Variants in RPL21 observed in about 807,000 individuals in gnomAD.
RPL21 encodes the protein large ribosomal subunit protein eL21.
Under a neutral mutation model 21.2 loss-of-function variants are expected in RPL21, and 1 was observed. That is an observed-to-expected ratio of 0.05 (90% CI 0.02 to 0.22). The LOEUF is 0.22. Among genes scored for constraint, RPL21 ranks in the 10% least tolerant of loss-of-function variants. RPL21 has a pLI of 1.00. For missense variants in RPL21, 113 were observed against 199.4 expected, an observed-to-expected ratio of 0.57 and a Z score of 2.61; for synonymous variants, 52 against 62.9, an observed-to-expected ratio of 0.83 and a Z score of 0.82.
chr13:27,256,188 A>G lies in RPL21; in HGVS notation c.247A>G (p.Lys83Glu). The G allele has an allele frequency of 6.3e-7, 1 of 1,592,350 alleles. No homozygotes were observed. The highest frequency in any genetic ancestry group is 8.6e-7 in the Non-Finnish European group (1 of 1,167,330). The change falls in exon 5 of 6, where the codon AAG becomes GAG. Residue 83 changes from lysine to glutamate, a missense_variant. Physicochemically the swap from Lys to Glu is moderately conservative, Grantham distance 56 (BLOSUM62 1). Coordinates refer to ENST00000311549, the MANE Select transcript of RPL21 (RefSeq NM_000982.4). ...AAGAATTTCTGCTCTGTCCAGGGGC[A>G]AGATTCTTGCCAAGAGAATTAATGT... is the stretch of plus-strand genomic sequence containing the variant. ...GIVVNKQVKG[K>E]ILAKRINVRI... is the part of the protein sequence containing the mutation.
At chr13:27,253,580 G>A (rs1262308468) in intron 1 of RPL21, 185 bp from the exon 2 acceptor site, 1 of 539,826 alleles carries the variant, frequency 1.9e-6, no homozygotes, top group Non-Finnish European at 3.4e-6. Context: ...GGGCAGTTTT[G>A]CCAAAAGACC....
At chr13:27,252,327 C>T (rs1881691010) in intron 1 of RPL21, among the ~76,000 whole-genome samples, 1 of 152,182 alleles carries the variant, frequency 6.6e-6, no homozygotes, top group Non-Finnish European at 1.5e-5. Flanking sequence ...TGAAGGGAAA[C>T]ATTTAGCCAT....
At chr13:27,255,919 T>C in intron 4 of RPL21, 1 of 400,492 alleles carries the variant, frequency 2.5e-6, no homozygotes, top group Middle Eastern at 7.8e-4. Flanking sequence ...ACTTTTAAAT[T>C]TTATTAGCAG....
intron 3 of RPL21, chr13:27,255,006 C>T (rs766864925): frequency 8.7e-6 from 6 of 692,672 alleles, no homozygotes; most frequent in Non-Finnish European, 1.6e-5. Context: ...GATTAAAAAC[C>T]CTCCTAGTGA....
chr13:27,252,686 T>C (rs2137907087), intron 1 of RPL21, among the ~76,000 whole-genome samples: 1 of 152,340 alleles, frequency 6.6e-6, no homozygotes, highest in South Asian at 2.1e-4. Context: ...GCTTTGGGGA[T>C]TGGAACAGAG....
chr13:27,254,002 A>G (rs1566038631), intron 2 of RPL21, among the ~76,000 whole-genome samples, 159 bp downstream of exon 2: 1 of 152,232 alleles, frequency 6.6e-6, no homozygotes, highest in Non-Finnish European at 1.5e-5. Flanking sequence ...CCAAAATTAT[A>G]TGGTGATTTT....
chr13:27,252,473 GTT>G (rs1881697708), intron 1 of RPL21, among the ~76,000 whole-genome samples: 1 of 152,142 alleles, frequency 6.6e-6, no homozygotes, highest in Non-Finnish European at 1.5e-5. Context: ...AGTGCCTTCA[GTT>G]TTAAGTGTAT....
At chr13:27,255,525 A>G (rs765880390) in intron 4 of RPL21, 171 bp downstream of exon 4, 1 of 758,032 alleles carries the variant, frequency 1.3e-6, no homozygotes, top group Non-Finnish European at 2.4e-6. Context: ...GAGGAAACAA[A>G]TTGAAATAGA....
Position 27,256,167 on chromosome 13 carries a change from AT to A in RPL21, c.243-14del. ...TATTTTTGTTAAAGCACTTAAAAGA[AT>A]TTCTGCTCTGTCCAGGGGCAAGATT... On this transcript the variant is annotated splice_polypyrimidine_tract_variant and intron_variant, in intron 4 of 5. Transcript: ENST00000311549. The A allele has an allele frequency of 1.3e-6, 2 of 1,578,206 alleles. No individual in the cohort carries two copies. The highest frequency in any genetic ancestry group is 1.7e-6 in the Non-Finnish European group (2 of 1,157,772).
intron 1 of RPL21, among the ~76,000 whole-genome samples, chr13:27,252,856 A>G (rs1214142948): frequency 6.6e-6 from 1 of 152,228 alleles, no homozygotes; most frequent in African/African-American, 2.4e-5. Flanking sequence ...GTGTTAGAAT[A>G]TTGTCAACAC....
chr13:27,255,731 C>A (rs992489235), intron 4 of RPL21: 86 of 361,698 alleles, frequency 2.4e-4, no homozygotes, highest in African/African-American at 1.7e-3. Flanking sequence ...ACCACCATGC[C>A]CAGCTAAATT....
intron 1 of RPL21, among the ~76,000 whole-genome samples, chr13:27,252,070 C>T (rs1881676577): frequency 6.6e-6 from 1 of 152,070 alleles, no homozygotes; most frequent in Non-Finnish European, 1.5e-5. Context: ...CAGGCGTCGG[C>T]TTTAATCTTC....
At position 27,256,499 on chromosome 13, in the gene RPL21, C is replaced by G; in HGVS notation, c.457C>G (p.Pro153Ala). Residue 153 changes from proline (P) to alanine (A), a missense_variant, in exon 6 of 6, where the codon CCT (proline) becomes GCT (alanine). By Grantham distance (27) the Pro-to-Ala change is conservative. Transcript: ENST00000311549. ...TGGGAAGGAGCCTGAGCTGCTGGAA[C>G]CTATTCCCTATGAATTCATGGCATA... Reference protein sequence around the residue: ...TNGKEPELLEPIPYEFMA With the variant: ...TNGKEPELLEAIPYEFMA 7.0e-7 allele frequency: 1 copy of G among 1,424,612 alleles called. No homozygotes were observed. The highest frequency in any genetic ancestry group is 1.7e-5 in the Admixed American group (1 of 59,652). 88.2% of individuals were successfully genotyped at this position (1,424,612 alleles called of 1,614,324 possible).
At chr13:27,255,216 GTAT>G in intron 3 of RPL21, 23 bp from the exon 4 acceptor site, 1 of 876,032 alleles carries the variant, frequency 1.1e-6, no homozygotes. Flanking sequence ...GGAAATGCTG[GTAT>G]ATAACATTGG....
intron 3 of RPL21, 184 bp from the exon 4 acceptor site, chr13:27,255,050 TATCTTGGC>T: frequency 1.3e-6 from 1 of 753,948 alleles, no homozygotes; most frequent in Non-Finnish European, 2.4e-6. Flanking sequence ...GATTTAAATG[TATCTTGGC>T]ACTCGAGCTT....
At chr13:27,251,773 G>A in intron 1 of RPL21, 188 bp downstream of exon 1, 1 of 152,914 alleles carries the variant, frequency 6.5e-6, no homozygotes, top group Non-Finnish European at 1.5e-5. Flanking sequence ...GGTCTGGGCC[G>A]TGGGCTGAGA....
At chr13:27,254,737 G>A (rs934974620) in intron 3 of RPL21, among the ~76,000 whole-genome samples, 1 of 152,078 alleles carries the variant, frequency 6.6e-6, no homozygotes, top group African/African-American at 2.4e-5. Flanking sequence ...TGGTCAGGCT[G>A]GTCTTGAACA....
chr13:27,254,157 T>C, intron 2 of RPL21, 63 bp from the exon 3 acceptor site: 1 of 996,934 alleles, frequency 1.0e-6, no homozygotes, highest in Non-Finnish European at 1.6e-6. Flanking sequence ...GCTAGTAAAA[T>C]TGCATTTCTT....
intron 4 of RPL21, 107 bp downstream of exon 4, chr13:27,255,461 A>G: frequency 1.3e-6 from 1 of 772,764 alleles, no homozygotes; most frequent in Non-Finnish European, 2.4e-6. Context: ...AGTGGGGCAA[A>G]GGAAATATCC....
Sources: gnomAD v4.1 joint callset for allele counts (sites outside exome capture counted in the v4.1 genomes callset) on GRCh38, gnomAD v4.1.1 for gene constraint, MANE v1.5 for transcripts, NCBI Gene and HGNC (gene_info 2026-07-23, HGNC 2026-07-21) for gene names.